The following HOOK2 variants were observed in gnomAD, a reference collection of about 807,000 sequenced individuals.
HOOK2 encodes hook microtubule tethering protein 2.
HOOK2 carries 108 observed loss-of-function variants against 111.9 expected under a neutral mutation model. The ratio of observed to expected loss-of-function variants is 0.96; its 90% CI spans 0.83 to 1.13. HOOK2 has a LOEUF of 1.13. Ranked by LOEUF, HOOK2 falls within the 50% of genes most tolerant of loss-of-function variation. The pLI is 0.00. For synonymous variants in HOOK2, 405 were observed against 394.3 expected (o/e 1.03, Z -0.32); for missense variants, 978 against 951.3 (o/e 1.03, Z -0.37).
At position 12,766,193 on chromosome 19, in the gene HOOK2, T is replaced by C. The variant is rs772735949; in HGVS notation, c.1421A>G (p.Gln474Arg). Residue 474 changes from glutamine (Q) to arginine (R), a missense_variant, in exon 15 of 23, where the codon CAG (glutamine) becomes CGG (arginine). Physicochemically the swap from Gln to Arg is conservative, Grantham distance 43. Coordinates refer to ENST00000397668, the MANE Select transcript of HOOK2 (RefSeq NM_013312.3). ...LQLENKRLCR[Q>R]EAADRERQEE... ...CTGCCGCTCCCGGTCGGCCGCCTCC[T>C]GCCTGCACAGCCGCTTGTTCTCCAG... The C allele has an allele frequency of 4.4e-6, 7 of 1,597,096 alleles. No individual in the cohort carries two copies. Among genetic ancestry groups the C allele is most frequent in the Non-Finnish European group, 5.9e-6 (7 of 1,178,352 alleles).
chr19:12,764,504 A>AT (rs1968092182), intron 20 of HOOK2: 1 of 271,696 alleles, frequency 3.7e-6, no homozygotes. Context: ...TAATTTTTGT[A>AT]TTTTTAGTAG....
Position 12,775,545 on chromosome 19 carries a change from C to A in HOOK2, c.-96G>T. On this transcript the variant is annotated 5_prime_UTR_variant, in exon 1 of 23. Transcript: ENST00000397668. ...GAGCGCCCGCAGCCCCGACCTCCCG[C>A]TCGGCCTAGAGCGCCGCCCCGCCCC... The A allele has an allele frequency of 7.2e-7, 1 of 1,392,792 alleles. No homozygotes were observed. The highest frequency in any genetic ancestry group is 9.6e-7 in the Non-Finnish European group (1 of 1,038,468). The allele number at this position is 1,392,792 out of a possible 1,614,324, so 86.3% of individuals were successfully genotyped here.
At chr19:12,778,105 T>C (rs1330575309), upstream of HOOK2, among the ~76,000 whole-genome samples, 2 of 151,236 alleles carry the variant, frequency 1.3e-5, no homozygotes, top group African/African-American at 2.4e-5. Context: ...GGCGGGGTAA[T>C]GTGCACTAAT....
upstream of HOOK2, chr19:12,775,600 C>G (rs1968481445): frequency 3.0e-6 from 2 of 668,320 alleles, no homozygotes; most frequent in Non-Finnish European, 4.3e-6. Context: ...CCGCCCCGCC[C>G]CCAAGCCCAG....
At position 12,769,976 on chromosome 19, in the gene HOOK2, G is replaced by C. The variant is rs927247365; in HGVS notation, c.1009C>G (p.Arg337Gly). ...GTGCGCTCGGCGTGGCCGGCGTTGC[G>C]TTCCTCCAGCTGCCGCACCTGCCGC... The part of the protein sequence containing the change: ...LRRQVRQLEE[R>G]NAGHAERTRQ... The change falls in exon 11 of 23, where the codon CGC becomes GGC. Residue 337 changes from arginine (R) to glycine (G), a missense_variant. Arg to Gly is a moderately radical substitution (Grantham distance 125, BLOSUM62 -2). Coordinates refer to ENST00000397668, the MANE Select transcript of HOOK2 (RefSeq NM_013312.3). 1.3e-6 allele frequency: 2 copies of C among 1,551,084 alleles called. No individual in the cohort carries two copies. Among genetic ancestry groups the C allele is most frequent in the Non-Finnish European group, 1.7e-6 (2 of 1,154,488 alleles).
rs75541414 is a variant in HOOK2 at position 12,772,183 on chromosome 19, C to A, written c.519+7G>T. 16,362 of 1,607,316 alleles carry A rather than the reference C, an allele frequency of 0.01. 118 individuals are homozygous for A. The highest frequency in any genetic ancestry group is 0.013 in the Middle Eastern group (76 of 6,054). On this transcript the variant is annotated splice_region_variant and intron_variant, in intron 7 of 22. Transcript: ENST00000397668. ...TGCCTGGAACACCTTTCCCCCAAAT[C>A]TCTTACCTGGCTGTCAAAGTTGCCA... is the stretch of plus-strand genomic sequence containing the variant.
At position 12,770,919 on chromosome 19, in the gene HOOK2, A is replaced by G; in HGVS notation, c.902+13T>C. Reference sequence around the variant, plus strand: ...CGCCCCCCGTGATGGGGACCCAGGAACCCACCACTCACCGTAGTTCATCCA... The same window carrying G: ...CGCCCCCCGTGATGGGGACCCAGGAGCCCACCACTCACCGTAGTTCATCCA... On this transcript the variant is annotated intron_variant, in intron 10 of 22. Coordinates refer to ENST00000397668, the MANE Select transcript of HOOK2 (RefSeq NM_013312.3). 4.4e-6 allele frequency: 7 copies of G among 1,588,828 alleles called. No homozygotes were observed. The South Asian group carries it at 7.8e-5, about 18-fold the overall frequency.
At chr19:12,785,860 C>T (rs769597388) in intron 3 of HOOK2, among the ~76,000 whole-genome samples, 4 of 152,184 alleles carry the variant, frequency 2.6e-5, no homozygotes, top group Non-Finnish European at 5.9e-5. Flanking sequence ...CACTTCCCTC[C>T]CTCTTTGCTT....
chr19:12,783,420 C>G (rs1419266051), upstream of HOOK2, among the ~76,000 whole-genome samples: 6 of 150,924 alleles, frequency 4.0e-5, no homozygotes, highest in Non-Finnish European at 7.4e-5. Flanking sequence ...TGGCAGAGCC[C>G]GTCGCGGCGA....
chr19:12,775,371 G>C, intron 1 of HOOK2, 34 bp downstream of exon 1: 1 of 1,604,718 alleles, frequency 6.2e-7, no homozygotes, highest in Non-Finnish European at 8.5e-7. Flanking sequence ...AGGAGCGGGC[G>C]CTCACCTTCC....
upstream of HOOK2, among the ~76,000 whole-genome samples, chr19:12,780,575 C>G (rs1968590081): frequency 7.0e-6 from 1 of 143,276 alleles, no homozygotes; most frequent in South Asian, 2.4e-4. Flanking sequence ...CCAGGATGGT[C>G]TCGATCTCCT....
intron 3 of HOOK2, among the ~76,000 whole-genome samples, chr19:12,773,671 C>T (rs1212814981): frequency 6.6e-6 from 1 of 152,220 alleles, no homozygotes; most frequent in African/African-American, 2.4e-5. Flanking sequence ...GCTGCCTCTC[C>T]TCTTCCACTT....
chr19:12,773,132 T>G, intron 3 of HOOK2, 88 bp from the exon 4 acceptor site: 1 of 1,270,470 alleles, frequency 7.9e-7, no homozygotes, highest in Non-Finnish European at 1.1e-6. Flanking sequence ...TCACTTCTCC[T>G]TCCCTGCTCA....
At chr19:12,787,641 A>G (rs1166811302) in intron 3 of HOOK2, among the ~76,000 whole-genome samples, 3 of 151,844 alleles carry the variant, frequency 2.0e-5, no homozygotes, top group Non-Finnish European at 4.4e-5. Flanking sequence ...CAAAAAAACA[A>G]AACAAAACAA....
At position 12,764,305 on chromosome 19, in the gene HOOK2, C is replaced by T. The variant is rs974256926; in HGVS notation, c.1827+509G>A. The T allele has an allele frequency of 3.3e-5, 5 of 153,464 alleles. No homozygotes were observed. The Middle Eastern group carries it at 0.011, about 324-fold the overall frequency. The allele number at this position is 153,464 out of a possible 1,614,324, so 9.5% of individuals were successfully genotyped here. ...CTGGGATTAGCGGCGTGAGCCACTG[C>T]GCCTGGCTGTGCGTAATTTTTTTTT... On this transcript the variant is annotated intron_variant, in intron 20 of 22. Transcript: ENST00000397668.
upstream of HOOK2, among the ~76,000 whole-genome samples, chr19:12,782,415 G>A (rs1488742813): frequency 6.6e-6 from 1 of 152,230 alleles, no homozygotes; most frequent in East Asian, 1.9e-4. Flanking sequence ...GTGTGTAGGG[G>A]GCGGGAAGTG....
intron 20 of HOOK2, chr19:12,764,352 T>C (rs1181401128): frequency 8.2e-6 from 1 of 121,976 alleles, no homozygotes; most frequent in Non-Finnish European, 1.6e-5. Flanking sequence ...TTTTTTGAGA[T>C]GGACTCTTGC....
chr19:12,785,889 G>A (rs935953550), intron 3 of HOOK2, among the ~76,000 whole-genome samples: 2 of 152,080 alleles, frequency 1.3e-5, no homozygotes, highest in African/African-American at 4.8e-5. Context: ...TCCCCTAGGA[G>A]GCCTAGCTCA....
intron 14 of HOOK2, 66 bp from the exon 15 acceptor site, chr19:12,766,306 G>A: frequency 6.8e-7 from 1 of 1,461,986 alleles, no homozygotes. Context: ...TGGGGCTCAG[G>A]GAGAGTGGAG....
Sources: allele counts gnomAD v4.1 joint callset (sites outside exome capture counted in the v4.1 genomes callset), GRCh38; gene constraint gnomAD v4.1.1; transcripts MANE v1.5; gene names NCBI Gene and HGNC (gene_info 2026-07-23, HGNC 2026-07-21).